Variants in OPCML observed in about 807,000 individuals in gnomAD.
OPCML encodes opioid-binding protein/cell adhesion molecule.
Under a neutral mutation model 37.8 loss-of-function variants are expected in OPCML, and 13 were observed. The ratio of observed to expected loss-of-function variants is 0.34; its 90% CI spans 0.22 to 0.55. The LOEUF (loss-of-function observed/expected upper bound fraction) is 0.55. Ranked by LOEUF, OPCML falls within the 20% of genes least tolerant of loss-of-function variation. The pLI is 0.91. For synonymous variants in OPCML, 176 were observed against 168.8 expected, an observed-to-expected ratio of 1.04 and a Z score of -0.33; for missense variants, 341 against 435.6, an observed-to-expected ratio of 0.78 and a Z score of 1.93.
intron 2 of OPCML, among the ~76,000 whole-genome samples, chr11:132,698,095 G>A (rs1174118543): frequency 9.2e-5 from 14 of 151,552 alleles, no homozygotes; most frequent in Admixed American, 8.6e-4. Flanking sequence ...CTCCCGAAGT[G>A]CTGGGATTAC....
At chr11:132,965,457 G>A (rs1224554870) in intron 1 of OPCML, among the ~76,000 whole-genome samples, 1 of 152,010 alleles carries the variant, frequency 6.6e-6, no homozygotes, top group Non-Finnish European at 1.5e-5. Flanking sequence ...GAATTTCTGG[G>A]AATTTAGCTA....
chr11:132,856,152 T>C lies in OPCML; in HGVS notation c.146+86774A>G, dbSNP rs866165212. Among the ~76,000 whole-genome samples, 11 of 152,338 alleles carry C rather than the reference T, an allele frequency of 7.2e-5. 1 individual carries two copies. In the South Asian group the frequency reaches 1.4e-3, roughly 20 times the overall value. On this transcript the variant is annotated intron_variant, in intron 2 of 7. Coordinates refer to ENST00000524381, the MANE Select transcript of OPCML (RefSeq NM_001012393.5). Reference sequence around the variant, plus strand: ...GCATAAAAATTTGCTTTATAAATAATGTTATTAGGTTAGTAGATTAGAAGA... The same window carrying C: ...GCATAAAAATTTGCTTTATAAATAACGTTATTAGGTTAGTAGATTAGAAGA...
chr11:133,192,943 A>G (rs576520108), intron 1 of OPCML, among the ~76,000 whole-genome samples: 112 of 152,076 alleles, frequency 7.4e-4, no homozygotes, highest in African/African-American at 2.6e-3. Flanking sequence ...TACTAAAATA[A>G]AGGTTCGAGA....
chr11:132,961,045 C>T (rs1049044356), intron 1 of OPCML, among the ~76,000 whole-genome samples: 11 of 152,190 alleles, frequency 7.2e-5, no homozygotes, highest in Non-Finnish European at 1.6e-4. Context: ...CGAAAAAGGG[C>T]ATGAGTGACT....
In OPCML at chr11:133,521,527, C is replaced by T. The variant is rs574361811; in HGVS notation, c.61+10737G>A. ...TAGTATCCATTGACTCTCAAGAATT[C>T]GCACCAAACAAAAGGAGGGTGGGGC... On this transcript the variant is annotated intron_variant, in intron 1 of 7. Coordinates refer to ENST00000524381, the MANE Select transcript of OPCML (RefSeq NM_001012393.5). Among the ~76,000 whole-genome samples, 16 of 152,336 alleles carry T rather than the reference C, an allele frequency of 1.1e-4. No homozygotes were observed. In the South Asian group the frequency reaches 2.3e-3, roughly 22 times the overall value.
chr11:132,550,862 G>C (rs930247590), intron 3 of OPCML, among the ~76,000 whole-genome samples: 7 of 152,204 alleles, frequency 4.6e-5, no homozygotes, highest in African/African-American at 1.4e-4. Context: ...ATTTGAACAG[G>C]ACCATGATGT....
chr11:133,427,264 T>C (rs2136908184), intron 1 of OPCML, among the ~76,000 whole-genome samples: 1 of 152,258 alleles, frequency 6.6e-6, no homozygotes, highest in Middle Eastern at 3.4e-3. Context: ...ATCACATTTT[T>C]TGACCACATT....
intron 2 of OPCML, among the ~76,000 whole-genome samples, chr11:132,719,042 G>T (rs77922998): frequency 0.016 from 2,411 of 152,234 alleles, 70 homozygotes; most frequent in African/African-American, 0.054. Context: ...TCTCAAGGCT[G>T]ACCCCAAAAT....
intron 1 of OPCML, among the ~76,000 whole-genome samples, chr11:133,372,674 A>C (rs1455568777): frequency 3.9e-5 from 6 of 152,188 alleles, no homozygotes; most frequent in African/African-American, 1.4e-4. Context: ...TTCACAGGTA[A>C]TTATCATTAT....
chr11:133,299,447 A>G (rs1393126128), intron 1 of OPCML: 2 of 152,242 alleles, frequency 1.3e-5, no homozygotes, highest in Non-Finnish European at 2.9e-5. Flanking sequence ...GCAGACACCT[A>G]ATTTCTTCTA....
At chr11:132,450,195 G>A (rs1056435829) in intron 4 of OPCML, among the ~76,000 whole-genome samples, 1 of 152,156 alleles carries the variant, frequency 6.6e-6, no homozygotes. Context: ...TCAAATAAAC[G>A]CATCTGACCT....
chr11:133,313,994 G>A (rs975968352), intron 1 of OPCML, among the ~76,000 whole-genome samples: 2 of 151,984 alleles, frequency 1.3e-5, no homozygotes, highest in Non-Finnish European at 2.9e-5. Context: ...CCAGCACTTT[G>A]GGAGGCCGAG....
At chr11:132,467,557 T>C (rs2096123657) in intron 4 of OPCML, among the ~76,000 whole-genome samples, 1 of 152,188 alleles carries the variant, frequency 6.6e-6, no homozygotes, top group Non-Finnish European at 1.5e-5. Flanking sequence ...GTTTAAAATG[T>C]AAGAGTTGGA....
intron 3 of OPCML, among the ~76,000 whole-genome samples, chr11:132,574,084 A>G (rs2096444352): frequency 6.6e-6 from 1 of 151,780 alleles, no homozygotes; most frequent in South Asian, 2.1e-4. Context: ...TCTTCTTTCA[A>G]TTATGATTTT....
intron 1 of OPCML, among the ~76,000 whole-genome samples, chr11:133,262,179 C>T (rs1941516109): frequency 6.6e-6 from 1 of 152,142 alleles, no homozygotes; most frequent in Non-Finnish European, 1.5e-5. Flanking sequence ...AACCTATATG[C>T]ATTATCTCAC....
intron 1 of OPCML, chr11:133,006,778 C>A (rs1320427634): frequency 1.0e-6 from 1 of 985,336 alleles, no homozygotes; most frequent in African/African-American, 1.7e-5. Context: ...CTGCCCCATG[C>A]ACACAGCAGG....
At chr11:133,152,122 G>A (rs774373919) in intron 1 of OPCML, among the ~76,000 whole-genome samples, 32 of 152,114 alleles carry the variant, frequency 2.1e-4, no homozygotes, top group Non-Finnish European at 4.0e-4. Context: ...GTCAGAAACT[G>A]TCTGATCTTA....
intron 1 of OPCML, among the ~76,000 whole-genome samples, chr11:133,165,023 C>T (rs1950191035): frequency 6.6e-6 from 1 of 152,154 alleles, no homozygotes; most frequent in Non-Finnish European, 1.5e-5. Flanking sequence ...AACTAGAAAC[C>T]CATGGATTTC....
chr11:132,660,817 G>A (rs1941942769), intron 2 of OPCML, among the ~76,000 whole-genome samples: 1 of 152,122 alleles, frequency 6.6e-6, no homozygotes, highest in South Asian at 2.1e-4. Flanking sequence ...TGATGGAGGT[G>A]ACAAAGAAAG....
Sources: allele counts gnomAD v4.1 joint callset (sites outside exome capture counted in the v4.1 genomes callset), GRCh38; gene constraint gnomAD v4.1.1; transcripts MANE v1.5; gene names NCBI Gene and HGNC (gene_info 2026-07-23, HGNC 2026-07-21).